The following LSS variants were observed in gnomAD, a reference collection of about 807,000 sequenced individuals.
LSS encodes the protein 2,3-epoxysqualene-lanosterol cyclase.
A neutral mutation model predicts 110.3 loss-of-function variants in LSS; 90 were observed. The ratio of observed to expected loss-of-function variants is 0.82; its 90% CI spans 0.69 to 0.97. LSS has a LOEUF of 0.97. Among genes scored for constraint, LSS ranks in the 50% least tolerant of loss-of-function variants. LSS has a pLI of 0.00. For synonymous variants in LSS, 433 were observed against 400.0 expected (o/e 1.08, Z -0.98); for missense variants, 927 against 990.0 (o/e 0.94, Z 0.85).
intron 21 of LSS, among the ~76,000 whole-genome samples, chr21:46,191,584 A>G (rs926889639): frequency 2.0e-5 from 3 of 152,174 alleles, no homozygotes; most frequent in Admixed American, 1.3e-4. Context: ...AGGGGCCACT[A>G]GGTCATCTGG....
intron 13 of LSS, among the ~76,000 whole-genome samples, 164 bp from the exon 14 acceptor site, chr21:46,208,465 G>A (rs1432629597): frequency 6.6e-6 from 1 of 152,210 alleles, no homozygotes; most frequent in Non-Finnish European, 1.5e-5. Context: ...AGGCGCGCGA[G>A]GGCCTGCACC....
intron 3 of LSS, among the ~76,000 whole-genome samples, chr21:46,226,808 G>A (rs1337525832): frequency 2.6e-5 from 4 of 152,198 alleles, no homozygotes; most frequent in Non-Finnish European, 4.4e-5. Flanking sequence ...ACAGGTAAGA[G>A]ATGTTTTAAA....
In LSS at chr21:46,194,570, C is replaced by T. The variant is rs748440806; in HGVS notation, c.1909G>A (p.Glu637Lys). 43 of 1,613,654 alleles carry T rather than the reference C, an allele frequency of 2.7e-5. No individual in the cohort carries two copies. Among genetic ancestry groups the T allele is most frequent in the Middle Eastern group, 3.3e-4 (2 of 6,084 alleles). Residue 637 changes from glutamate (E) to lysine (K), a missense_variant, in exon 20 of 22, where the codon GAG becomes AAG. Coordinates refer to ENST00000397728, the MANE Select transcript of LSS (RefSeq NM_002340.6). ...GCACTCTGCAAATAACGCCGCTCCT[C>T]GCAGGACTCAAAGTCCTCCCCCCAG... ...GGWGEDFESC[E>K]ERRYLQSAQS...
Position 46,228,575 on chromosome 21 carries a change from G to T in LSS, c.39C>A (p.Pro13=), listed in dbSNP as rs766840879. The T allele has an allele frequency of 6.3e-7, 1 of 1,593,418 alleles. No homozygotes were observed. The highest frequency in any genetic ancestry group is 8.5e-7 in the Non-Finnish European group (1 of 1,176,578). The change falls in exon 2 of 22, where the codon CCC becomes CCA. Residue 13 remains proline (P), a synonymous_variant. Transcript: ENST00000397728. ...EGTCLRRRGG[P]YKTEPATDLG... ...GGTCGGTGGCGGGCTCGGTCTTGTA[G>T]GGGCCCCCTCGGCGCCGCAGACACC...
chr21:46,213,657 G>C (rs944815492), intron 10 of LSS, 81 bp downstream of exon 10: 103 of 1,289,828 alleles, frequency 8.0e-5, no homozygotes, highest in Non-Finnish European at 1.1e-4. Context: ...GGCACCGTGG[G>C]GGCCCCCTCA....
In LSS at chr21:46,216,571, G is replaced by T; in HGVS notation, c.648-47C>A. The stretch of plus-strand genomic sequence containing the variant: ...GTGGGAGACCCCAAGACTCAAGCCT[G>T]CCCCCTCCGCCAGCATCCATACCTT... On this transcript the variant is annotated intron_variant, in intron 6 of 21. Coordinates refer to ENST00000397728, the MANE Select transcript of LSS (RefSeq NM_002340.6). The surrounding 1 kb of genome is among the most constrained non-coding windows in gnomAD (Gnocchi z 4.2). 1 of 1,499,180 alleles carries T rather than the reference G, an allele frequency of 6.7e-7. No homozygotes were observed. The allele number at this position is 1,499,180 out of a possible 1,614,324, so 92.9% of individuals were successfully genotyped here. A position where few individuals can be genotyped will look rare whatever the true frequency, so the allele number is the denominator to read the frequency against.
rs11701729 is a variant in LSS, at chr21:46,215,799, G to A, written c.784-6C>T. On this transcript the variant is annotated splice_polypyrimidine_tract_variant and splice_region_variant and intron_variant, in intron 7 of 21. Coordinates refer to ENST00000397728, the MANE Select transcript of LSS (RefSeq NM_002340.6). ...AAGTCCTCCACATAGAGCTCCTGGT[G>A]GGGGCAGTGTCTGAGCCTTGGGGCC... 0.68 allele frequency: 1,084,989 copies of A among 1,595,248 alleles called. 378,962 individuals are homozygous for A. Among genetic ancestry groups the A allele is most frequent in the Non-Finnish European group, 0.72 (835,508 of 1,166,258 alleles).
At chr21:46,208,147 G>A in intron 14 of LSS, 104 bp downstream of exon 14, 1 of 1,089,054 alleles carries the variant, frequency 9.2e-7, no homozygotes, top group Non-Finnish European at 1.4e-6. Flanking sequence ...CGCCAAGGGA[G>A]GAGTCCCCCA....
intron 9 of LSS, among the ~76,000 whole-genome samples, chr21:46,214,359 T>C (rs1352318979): frequency 1.3e-5 from 2 of 152,236 alleles, no homozygotes; most frequent in African/African-American, 4.8e-5. Context: ...AGATGTGCTC[T>C]ATATGGGATT....
At chr21:46,214,908 T>G (rs2080179572) in intron 9 of LSS, among the ~76,000 whole-genome samples, 1 of 151,932 alleles carries the variant, frequency 6.6e-6, no homozygotes, top group South Asian at 2.1e-4. Flanking sequence ...GGGAGGGGCC[T>G]CTAGGAGAGT....
chr21:46,215,500 C>A (rs1047104284), intron 8 of LSS, among the ~76,000 whole-genome samples, 185 bp downstream of exon 8: 4 of 149,504 alleles, frequency 2.7e-5, no homozygotes, highest in Admixed American at 6.8e-5. Context: ...ACAGGGTGGA[C>A]TCCTGAGAGT....
chr21:46,193,131 A>ATG (rs2079850367), intron 20 of LSS: 1 of 340,782 alleles, frequency 2.9e-6, no homozygotes, highest in African/African-American at 3.7e-5. Context: ...CTGTGCATGC[A>ATG]TACGTGTGTG....
chr21:46,227,917 C>G (rs2080369801), intron 2 of LSS, among the ~76,000 whole-genome samples: 1 of 152,216 alleles, frequency 6.6e-6, no homozygotes, highest in Non-Finnish European at 1.5e-5. Context: ...GTCATGTATT[C>G]TTCACAACTT....
At chr21:46,192,108 G>T in intron 20 of LSS, 149 bp from the exon 21 acceptor site, 1 of 671,506 alleles carries the variant, frequency 1.5e-6, no homozygotes, top group Non-Finnish European at 2.7e-6. Flanking sequence ...CCCGCCAGGT[G>T]CAGCCAGCGC....
chr21:46,206,061 C>T (rs2080045255), intron 16 of LSS, 120 bp from the exon 17 acceptor site: 2 of 687,588 alleles, frequency 2.9e-6, no homozygotes, highest in Admixed American at 2.5e-5. Flanking sequence ...GACGCTGCCT[C>T]CCTGACCAAC....
intron 19 of LSS, among the ~76,000 whole-genome samples, chr21:46,195,166 T>C (rs2079892685): frequency 6.6e-6 from 1 of 152,214 alleles, no homozygotes; most frequent in Non-Finnish European, 1.5e-5. Context: ...GGCATCTGTA[T>C]GCCTGGAGGG....
Position 46,216,670 on chromosome 21 carries a change from C to T in LSS, c.648-146G>A, listed in dbSNP as rs572782548. 6.4e-6 allele frequency: 7 copies of T among 1,098,480 alleles called. No individual in the cohort carries two copies. The African/African-American group carries it at 7.9e-5, about 12-fold the overall frequency. 68.0% of individuals were successfully genotyped at this position (1,098,480 alleles called of 1,614,324 possible). A position where few individuals can be genotyped will look rare whatever the true frequency, so the allele number is the denominator to read the frequency against. On this transcript the variant is annotated intron_variant, in intron 6 of 21. Coordinates refer to ENST00000397728, the MANE Select transcript of LSS (RefSeq NM_002340.6). This position sits in a 1 kb window ranked among gnomAD's most constrained non-coding sequence, Gnocchi z 4.2. ...CAGTGCATCTGCGGGCATTTCCCAA[C>T]CGTGCTCCTGAGGGGCACAGTTGAA... is the stretch of plus-strand genomic sequence containing the variant.
At chr21:46,226,999 A>G (rs2123768206) in intron 3 of LSS, among the ~76,000 whole-genome samples, 1 of 152,370 alleles carries the variant, frequency 6.6e-6, no homozygotes, top group East Asian at 1.9e-4. Flanking sequence ...ATAAATTCAT[A>G]GGAGGGAATT....
intron 20 of LSS, chr21:46,192,605 G>A (rs1315124849): frequency 3.1e-6 from 1 of 318,196 alleles, no homozygotes; most frequent in Non-Finnish European, 6.1e-6. Flanking sequence ...TGTCTGTGTG[G>A]CACAGATGCG....
Sources: gnomAD v4.1 joint callset for allele counts (sites outside exome capture counted in the v4.1 genomes callset) on GRCh38, gnomAD v4.1.1 for gene constraint, Gnocchi (gnomAD v3.1) non-coding constraint, MANE v1.5 for transcripts, NCBI Gene and HGNC (gene_info 2026-07-23, HGNC 2026-07-21) for gene names.